Variants in RAD51B observed in about 807,000 individuals in gnomAD.
The protein encoded by RAD51B is RAD51 paralog B.
A neutral mutation model predicts 42.2 loss-of-function variants in RAD51B; 38 were observed. The observed-to-expected ratio is 0.90, with a 90% CI of 0.70 to 1.18. RAD51B has a LOEUF of 1.18. Among genes scored for constraint, RAD51B ranks in the 50% most tolerant of loss-of-function variants. The probability of loss-of-function intolerance (pLI) is 0.00; values close to 1 mark genes in which losing one functional copy is unlikely to be tolerated. For synonymous variants in RAD51B, 154 were observed against 145.2 expected (o/e 1.06, Z -0.43); for missense variants, 373 against 400.7 (o/e 0.93, Z 0.59).
chr14:68,606,249 G>T (rs565853669), intron 10 of RAD51B, among the ~76,000 whole-genome samples: 1 of 152,280 alleles, frequency 6.6e-6, no homozygotes, highest in South Asian at 2.1e-4. Flanking sequence ...TCACTGCCTA[G>T]TGAGGCTCGA....
intron 8 of RAD51B, among the ~76,000 whole-genome samples, chr14:68,364,293 G>A (rs1466306862): frequency 6.6e-6 from 1 of 152,214 alleles, no homozygotes; most frequent in Non-Finnish European, 1.5e-5. Flanking sequence ...GAAACAGAGG[G>A]AGACACTAGC....
intron 8 of RAD51B, among the ~76,000 whole-genome samples, chr14:68,406,086 T>A (rs2084266494): frequency 6.6e-6 from 1 of 152,216 alleles, no homozygotes. Flanking sequence ...TGGAAATAAC[T>A]TTTTAATTAG....
intron 10 of RAD51B, among the ~76,000 whole-genome samples, chr14:68,539,588 A>T (rs780832062): frequency 6.6e-6 from 1 of 152,184 alleles, no homozygotes; most frequent in South Asian, 2.1e-4. Context: ...CAAGCAAAGG[A>T]CATGCTGAGC....
At chr14:68,101,069 C>G (rs2077280122) in intron 7 of RAD51B, among the ~76,000 whole-genome samples, 1 of 152,112 alleles carries the variant, frequency 6.6e-6, no homozygotes, top group Non-Finnish European at 1.5e-5. Context: ...TGGGGAAAAG[C>G]CCCTTATAAA....
chr14:68,178,047 T>G (rs557978768), intron 7 of RAD51B, among the ~76,000 whole-genome samples: 4 of 152,292 alleles, frequency 2.6e-5, no homozygotes, highest in Middle Eastern at 3.4e-3. Context: ...GCTGCCCTCT[T>G]CATTTTGCAG....
chr14:68,060,621 A>G (rs144082070), intron 7 of RAD51B, among the ~76,000 whole-genome samples: 41 of 152,308 alleles, frequency 2.7e-4, no homozygotes, highest in Admixed American at 1.8e-3. Flanking sequence ...TTTTCGTCCA[A>G]CTTTCCAATT....
intron 7 of RAD51B, among the ~76,000 whole-genome samples, chr14:67,977,523 T>C (rs1471179653): frequency 6.6e-6 from 1 of 152,226 alleles, no homozygotes; most frequent in African/African-American, 2.4e-5. Flanking sequence ...AGCAAGCAAT[T>C]CAAGGTCTCT....
At chr14:68,496,201 G>C (rs370771322) in intron 10 of RAD51B, among the ~76,000 whole-genome samples, 1 of 152,182 alleles carries the variant, frequency 6.6e-6, no homozygotes. Flanking sequence ...ACAGGATGAA[G>C]GAAAATGATT....
chr14:68,642,290 A>G (rs977922444), intron 10 of RAD51B, among the ~76,000 whole-genome samples: 1 of 152,240 alleles, frequency 6.6e-6, no homozygotes, highest in Non-Finnish European at 1.5e-5. Context: ...TAATAGATAT[A>G]GACCTATTCA....
intron 7 of RAD51B, among the ~76,000 whole-genome samples, chr14:68,188,090 C>T (rs1274461529): frequency 6.6e-6 from 1 of 152,180 alleles, no homozygotes; most frequent in African/African-American, 2.4e-5. Flanking sequence ...GCTGGGATTA[C>T]AGGCCTGAGC....
intron 3 of RAD51B, among the ~76,000 whole-genome samples, chr14:67,826,175 A>G (rs537492773): frequency 6.6e-6 from 1 of 152,252 alleles, no homozygotes; most frequent in South Asian, 2.1e-4. Flanking sequence ...TTGATTAGGT[A>G]GTATTTGATG....
At chr14:68,144,974 T>C (rs1460715160) in intron 7 of RAD51B, among the ~76,000 whole-genome samples, 1 of 152,228 alleles carries the variant, frequency 6.6e-6, no homozygotes, top group African/African-American at 2.4e-5. Flanking sequence ...TGCTTGGCTA[T>C]ATTGTTTCAA....
intron 7 of RAD51B, among the ~76,000 whole-genome samples, chr14:68,198,929 G>A (rs903237994): frequency 1.3e-5 from 2 of 152,104 alleles, no homozygotes; most frequent in Non-Finnish European, 2.9e-5. Flanking sequence ...TGAATTGTTG[G>A]AAACGTTCTT....
chr14:68,358,432 T>G (rs1164638515), intron 8 of RAD51B, among the ~76,000 whole-genome samples: 1 of 152,250 alleles, frequency 6.6e-6, no homozygotes, highest in Admixed American at 6.5e-5. Context: ...AGTTTTTGTA[T>G]GTATTGCAAA....
At chr14:67,912,836 G>A (rs529388348) in intron 7 of RAD51B, among the ~76,000 whole-genome samples, 46 of 151,972 alleles carry the variant, frequency 3.0e-4, no homozygotes, top group African/African-American at 1.1e-3. Flanking sequence ...CTCCCAAGTA[G>A]CTGGGACTAC....
intron 10 of RAD51B, among the ~76,000 whole-genome samples, chr14:68,567,163 G>A (rs1444962767): frequency 6.6e-6 from 1 of 152,168 alleles, no homozygotes; most frequent in African/African-American, 2.4e-5. Context: ...GCTGGGCGCA[G>A]TGGCAGGCGC....
chr14:68,667,612 G>A (rs939320115), intron 11 of RAD51B, among the ~76,000 whole-genome samples: 1 of 152,140 alleles, frequency 6.6e-6, no homozygotes, highest in Non-Finnish European at 1.5e-5. Flanking sequence ...TTCAGCTTTG[G>A]ATTCCCAGGC....
At chr14:68,056,697 G>A (rs538975708) in intron 7 of RAD51B, among the ~76,000 whole-genome samples, 14 of 151,740 alleles carry the variant, frequency 9.2e-5, no homozygotes, top group East Asian at 3.9e-4. Context: ...GCAGTGAGCC[G>A]AGATCACACC....
At chr14:68,635,284 C>G (rs1158596976) in intron 10 of RAD51B, among the ~76,000 whole-genome samples, 2 of 152,188 alleles carry the variant, frequency 1.3e-5, no homozygotes, top group Non-Finnish European at 2.9e-5. Context: ...AATATCCACC[C>G]CCTTCAACCT....
Sources: gnomAD v4.1 joint callset for allele counts (sites outside exome capture counted in the v4.1 genomes callset) on GRCh38, gnomAD v4.1.1 for gene constraint, MANE v1.5 for transcripts, NCBI Gene and HGNC (gene_info 2026-07-23, HGNC 2026-07-21) for gene names.